Variants in DGKI observed in about 807,000 individuals in gnomAD.
DGKI encodes diacylglycerol kinase iota.
A neutral mutation model predicts 147.5 loss-of-function variants in DGKI; 55 were observed. That is an observed-to-expected ratio of 0.37 (90% confidence interval 0.30 to 0.47). DGKI has a LOEUF of 0.47. Ranked by LOEUF, DGKI falls within the 20% of genes least tolerant of loss-of-function variation. The pLI is 1.00. For missense variants in DGKI, 1,007 were observed against 1,323.8 expected, an observed-to-expected ratio of 0.76 and a Z score of 3.71; for synonymous variants, 469 against 477.1, an observed-to-expected ratio of 0.98 and a Z score of 0.22.
chr7:137,502,514 G>A (rs1167716358), intron 21 of DGKI, among the ~76,000 whole-genome samples: 1 of 151,896 alleles, frequency 6.6e-6, no homozygotes, highest in African/African-American at 2.4e-5. Flanking sequence ...AAAGAGAGGA[G>A]GATGGAGGAG....
At chr7:137,579,900 T>G (rs1330601014) in intron 15 of DGKI, among the ~76,000 whole-genome samples, 2 of 152,100 alleles carry the variant, frequency 1.3e-5, no homozygotes, top group Non-Finnish European at 2.9e-5. Context: ...TCTAAAATAG[T>G]CCTACAGCTT....
chr7:137,687,689 T>G (rs1823466804), intron 2 of DGKI, among the ~76,000 whole-genome samples: 2 of 152,210 alleles, frequency 1.3e-5, no homozygotes, highest in South Asian at 4.1e-4. Context: ...GACACCAAAA[T>G]CAGCCCACAA....
intron 8 of DGKI, among the ~76,000 whole-genome samples, chr7:137,610,683 C>T (rs2128993280): frequency 6.6e-6 from 1 of 152,280 alleles, no homozygotes; most frequent in South Asian, 2.1e-4. Context: ...AGTTGTCAAA[C>T]AGCCTCAAGA....
chr7:137,764,381 A>G (rs1795946161), intron 1 of DGKI, among the ~76,000 whole-genome samples: 1 of 152,196 alleles, frequency 6.6e-6, no homozygotes, highest in Admixed American at 6.5e-5. Flanking sequence ...CCAAATATAC[A>G]CATCTAAAAG....
At chr7:137,613,302 G>T (rs998034969) in intron 8 of DGKI, among the ~76,000 whole-genome samples, 2 of 152,068 alleles carry the variant, frequency 1.3e-5, no homozygotes, top group African/African-American at 2.4e-5. Flanking sequence ...CTATTAAAGC[G>T]CATTCTTACT....
chr7:137,682,691 C>T (rs1823280058), intron 2 of DGKI, among the ~76,000 whole-genome samples: 1 of 152,204 alleles, frequency 6.6e-6, no homozygotes, highest in Non-Finnish European at 1.5e-5. Context: ...TTTATTTCCC[C>T]AGTCTCTCTT....
At chr7:137,843,216 T>C (rs1418492843) in intron 1 of DGKI, among the ~76,000 whole-genome samples, 13 of 151,726 alleles carry the variant, frequency 8.6e-5, no homozygotes, top group African/African-American at 3.2e-4. Flanking sequence ...CCCTCCCTTA[T>C]GTGTTTCTGA....
intron 12 of DGKI, among the ~76,000 whole-genome samples, chr7:137,591,531 C>T (rs574816990): frequency 2.6e-5 from 4 of 152,250 alleles, no homozygotes; most frequent in Admixed American, 6.5e-5. Flanking sequence ...CCAGCATTCC[C>T]GGAAGACAGC....
chr7:137,638,458 A>C, intron 6 of DGKI, among the ~76,000 whole-genome samples: 1 of 121,588 alleles, frequency 8.2e-6, no homozygotes, highest in East Asian at 2.5e-4. Context: ...ACACACATAT[A>C]TATGTGTGTA....
At chr7:137,582,032 G>T in intron 14 of DGKI, 104 bp from the exon 15 acceptor site, 1 of 798,246 alleles carries the variant, frequency 1.3e-6, no homozygotes, top group Admixed American at 2.2e-5. Flanking sequence ...GTCCCTAGGA[G>T]ACAGATCAGC....
chr7:137,746,116 T>C (rs897402366), intron 1 of DGKI, among the ~76,000 whole-genome samples: 4 of 152,170 alleles, frequency 2.6e-5, no homozygotes, highest in Non-Finnish European at 5.9e-5. Flanking sequence ...TGTGCAGAGA[T>C]AGGGGTGTTT....
chr7:137,727,525 A>G (rs1163787724), intron 1 of DGKI, among the ~76,000 whole-genome samples: 1 of 152,164 alleles, frequency 6.6e-6, no homozygotes, highest in Non-Finnish European at 1.5e-5. Context: ...ATTTGGACAA[A>G]AACTAATTTT....
chr7:137,790,527 A>T (rs984126482), intron 1 of DGKI, among the ~76,000 whole-genome samples: 2 of 152,246 alleles, frequency 1.3e-5, no homozygotes, highest in African/African-American at 4.8e-5. Flanking sequence ...GATGCCTGGC[A>T]TGGGGCCCAA....
chr7:137,805,957 C>A (rs1036436421), intron 1 of DGKI, among the ~76,000 whole-genome samples: 1 of 152,232 alleles, frequency 6.6e-6, no homozygotes. Flanking sequence ...AAGATAATTT[C>A]TTTGACGCTA....
intron 1 of DGKI, among the ~76,000 whole-genome samples, chr7:137,717,147 T>C (rs1794402308): frequency 6.6e-6 from 1 of 152,188 alleles, no homozygotes; most frequent in Admixed American, 6.5e-5. Context: ...TACTGGTTAA[T>C]GTGAATAAAA....
chr7:137,727,355 A>G (rs1794746643), intron 1 of DGKI, among the ~76,000 whole-genome samples: 1 of 152,212 alleles, frequency 6.6e-6, no homozygotes, highest in African/African-American at 2.4e-5. Context: ...AGTTATCATC[A>G]AAAAGAAAAA....
chr7:137,427,654 C>A (rs1479057593), intron 28 of DGKI, among the ~76,000 whole-genome samples: 1 of 151,722 alleles, frequency 6.6e-6, no homozygotes, highest in African/African-American at 2.4e-5. Flanking sequence ...AGACCACTAG[C>A]AAGACTAATA....
intron 2 of DGKI, among the ~76,000 whole-genome samples, chr7:137,681,235 CT>C (rs1431544858): frequency 6.6e-6 from 1 of 152,200 alleles, no homozygotes; most frequent in African/African-American, 2.4e-5. Context: ...TTTTTCTTCT[CT>C]ACTGGTAATT....
intron 15 of DGKI, among the ~76,000 whole-genome samples, chr7:137,580,801 G>A (rs1335044052): frequency 6.6e-6 from 1 of 152,054 alleles, no homozygotes; most frequent in African/African-American, 2.4e-5. Context: ...AGCTTTTAGT[G>A]CTCTGTTATT....
Sources: gnomAD v4.1 joint callset for allele counts (sites outside exome capture counted in the v4.1 genomes callset) on GRCh38, gnomAD v4.1.1 for gene constraint, MANE v1.5 for transcripts, NCBI Gene and HGNC (gene_info 2026-07-23, HGNC 2026-07-21) for gene names.